Variants in RNF122 observed in about 807,000 individuals in gnomAD.
The protein encoded by RNF122 is ring finger protein 122.
A neutral mutation model predicts 24.2 loss-of-function variants in RNF122; 17 were observed. That is an observed-to-expected ratio of 0.70 (90% CI 0.48 to 1.06). The LOEUF (loss-of-function observed/expected upper bound fraction) is 1.06, where lower values mean the gene tolerates loss of function less well. RNF122 is among the 50% of genes least tolerant of loss of function. The pLI, the probability that RNF122 is intolerant of heterozygous loss-of-function variation, is 0.00. For synonymous variants in RNF122, 65 were observed against 71.8 expected (o/e 0.91, Z 0.48); for missense variants, 168 against 198.1 (o/e 0.85, Z 0.91).
chr8:33,549,662 G>C (rs1810341708), intron 4 of RNF122, among the ~76,000 whole-genome samples, 170 bp from the exon 5 acceptor site: 2 of 152,060 alleles, frequency 1.3e-5, no homozygotes, highest in African/African-American at 4.8e-5. Flanking sequence ...ACCATATGTG[G>C]CTGTTTAAAT....
Position 33,551,123 on chromosome 8 carries a change from C to T in RNF122, c.229-38G>A, listed in dbSNP as rs202008774. On this transcript the variant is annotated intron_variant, in intron 3 of 5. Coordinates refer to ENST00000256257, the MANE Select transcript of RNF122 (RefSeq NM_024787.3). Reference sequence around the variant, plus strand: ...AGGAGGCATGATGTCCAAAGAAGAACCAACCACTGGGGCCAGCCAGGTAGT... The same window carrying T: ...AGGAGGCATGATGTCCAAAGAAGAATCAACCACTGGGGCCAGCCAGGTAGT... 7.8e-5 allele frequency: 125 copies of T among 1,611,870 alleles called. No individual in the cohort carries two copies. In the African/African-American group the frequency reaches 1.4e-3, roughly 18 times the overall value.
chr8:33,549,403 C>A lies in RNF122; in HGVS notation c.353+7G>T, dbSNP rs778196017. ...TCGACGGGCACCCTGGACACATTCC[C>A]ACGTACTTGCGGTGAAAGGCGTGTT... On this transcript the variant is annotated splice_region_variant and intron_variant, in intron 5 of 5. Transcript: ENST00000256257. 1 of 1,612,120 alleles carries A rather than the reference C, an allele frequency of 6.2e-7. No homozygotes were observed.
At position 33,548,885 on chromosome 8, in the gene RNF122, A is replaced by C. The variant is rs1317866308; in HGVS notation, c.354-18T>G. 1 of 1,551,096 alleles carries C rather than the reference A, an allele frequency of 6.4e-7. No homozygotes were observed. Among genetic ancestry groups the C allele is most frequent in the South Asian group, 1.1e-5 (1 of 89,802 alleles). ...CCAGACACCTGAGAACAAATGAGGA[A>C]TGGTAATCTCTAACCAGACAGACCA... On this transcript the variant is annotated intron_variant, in intron 5 of 5. Transcript: ENST00000256257.
In RNF122 at chr8:33,548,763, T is replaced by G. The variant is rs764116179; in HGVS notation, c.458A>C (p.Glu153Ala). 1 of 1,610,176 alleles carries G rather than the reference T, an allele frequency of 6.2e-7. No individual in the cohort carries two copies. Among genetic ancestry groups the G allele is most frequent in the South Asian group, 1.1e-5 (1 of 90,976 alleles). Residue 153 changes from glutamate to alanine, a missense_variant, in exon 6 of 6, where the codon GAG becomes GCG. Physicochemically the swap from Glu to Ala is moderately radical, Grantham distance 107. Coordinates refer to ENST00000256257, the MANE Select transcript of RNF122 (RefSeq NM_024787.3). ...GTGTAGCGGCAGCACTCACACCAGC[T>G]CATCCAATAGAATCCCAATGTTCTG... Reference protein sequence around the residue: ...ATQNIGILLDELV With the variant: ...ATQNIGILLDALV
At chr8:33,561,200 C>T (rs1810534925) in intron 1 of RNF122, among the ~76,000 whole-genome samples, 1 of 152,136 alleles carries the variant, frequency 6.6e-6, no homozygotes, top group African/African-American at 2.4e-5. Flanking sequence ...TTCTCTGTAC[C>T]CAGGCCTTGG....
At chr8:33,559,862 AAC>A (rs1810514215) in intron 1 of RNF122, among the ~76,000 whole-genome samples, 1 of 145,460 alleles carries the variant, frequency 6.9e-6, no homozygotes, top group Non-Finnish European at 1.5e-5. Flanking sequence ...TTTTTTTTTA[AAC>A]AGAGTCTTGC....
chr8:33,558,811 T>C, intron 1 of RNF122, 40 bp from the exon 2 acceptor site: 1 of 1,501,250 alleles, frequency 6.7e-7, no homozygotes, highest in African/African-American at 1.4e-5. Context: ...GGGTTGGAAA[T>C]TTACTGCTGG....
chr8:33,548,275 GGC>G lies in RNF122; in HGVS notation c.*476_*477del, dbSNP rs1444375489. 6.5e-6 allele frequency: 1 copy of G among 152,776 alleles called. No individual in the cohort carries two copies. The highest frequency in any genetic ancestry group is 1.9e-4 in the East Asian group (1 of 5,184). The allele number at this position is 152,776 out of a possible 1,614,324, so 9.5% of individuals were successfully genotyped here. A position where few individuals can be genotyped will look rare whatever the true frequency, so the allele number is the denominator to read the frequency against. On this transcript the variant is annotated 3_prime_UTR_variant, in exon 6 of 6. Coordinates refer to ENST00000256257, the MANE Select transcript of RNF122 (RefSeq NM_024787.3). ...CAGAGCCTCCCTCGCCTCCCGTGGA[GGC>G]GCTTGGTTCCTTGATCTTTCCTTCC... is the stretch of plus-strand genomic sequence containing the variant.
At position 33,558,812 on chromosome 8, in the gene RNF122, T is replaced by G. The variant is rs1810496284; in HGVS notation, c.26-41A>C. The G allele has an allele frequency of 2.0e-6, 3 of 1,499,738 alleles. No homozygotes were observed. The East Asian group carries it at 6.9e-5, about 34-fold the overall frequency. The allele number at this position is 1,499,738 out of a possible 1,614,324, so 92.9% of individuals were successfully genotyped here. ...AAAAAAAATCATTAGGGTTGGAAAT[T>G]TACTGCTGGGCTGATAGCACTGTGT... On this transcript the variant is annotated intron_variant, in intron 1 of 5. Transcript: ENST00000256257.
Position 33,548,919 on chromosome 8 carries a change from C to T in RNF122, c.354-52G>A, listed in dbSNP as rs777769484. On this transcript the variant is annotated intron_variant, in intron 5 of 5. Transcript: ENST00000256257. ...TCTAACCAGACAGACCACGCTGCTC[C>T]AGTTGTCTCTCAAAACAAGAATATC... 116 of 1,247,316 alleles carry T rather than the reference C, an allele frequency of 9.3e-5. No individual in the cohort carries two copies. The South Asian group carries it at 1.4e-3, about 15-fold the overall frequency. 77.3% of individuals were successfully genotyped at this position (1,247,316 alleles called of 1,614,324 possible).
intron 2 of RNF122, among the ~76,000 whole-genome samples, chr8:33,552,710 C>G (rs1285325096): frequency 2.0e-5 from 3 of 152,108 alleles, no homozygotes; most frequent in Admixed American, 2.0e-4. Flanking sequence ...GTATTATTTT[C>G]AAGGAAGGGA....
At chr8:33,549,514 T>A in intron 4 of RNF122, 22 bp from the exon 5 acceptor site, 1 of 1,587,412 alleles carries the variant, frequency 6.3e-7, no homozygotes, top group Non-Finnish European at 8.7e-7. Context: ...AAAGAGCAGG[T>A]GTGTGAGGAA....
At chr8:33,553,082 A>G (rs548907962) in intron 2 of RNF122, among the ~76,000 whole-genome samples, 3 of 150,822 alleles carry the variant, frequency 2.0e-5, no homozygotes, top group African/African-American at 7.3e-5. Flanking sequence ...AAAAAAAAAA[A>G]AAAAAAAAGA....
rs746826629 is a variant in RNF122 at position 33,548,702 on chromosome 8, G to A, written c.*51C>T. The A allele has an allele frequency of 8.8e-7, 1 of 1,135,746 alleles. No homozygotes were observed. The highest frequency in any genetic ancestry group is 1.2e-5 in the South Asian group (1 of 81,346). The allele number at this position is 1,135,746 out of a possible 1,614,324, so 70.4% of individuals were successfully genotyped here. On this transcript the variant is annotated 3_prime_UTR_variant, in exon 6 of 6. Transcript: ENST00000256257. ...TGGTTGGAGCTGTGCAGAGGGACCA[G>A]ACATCCATGAGGCAAGAGGTCTTCT...
chr8:33,565,868 T>A (rs1810615050), intron 1 of RNF122, among the ~76,000 whole-genome samples: 1 of 152,192 alleles, frequency 6.6e-6, no homozygotes, highest in African/African-American at 2.4e-5. Context: ...AACGGCTTTT[T>A]TTTAGATGGA....
chr8:33,565,627 T>A (rs1810610747), intron 1 of RNF122, among the ~76,000 whole-genome samples: 1 of 152,204 alleles, frequency 6.6e-6, no homozygotes, highest in African/African-American at 2.4e-5. Context: ...CAGTATCACC[T>A]GAACCTCCAA....
chr8:33,552,348 G>A (rs975715888), intron 2 of RNF122, among the ~76,000 whole-genome samples: 23 of 152,110 alleles, frequency 1.5e-4, no homozygotes, highest in African/African-American at 4.8e-4. Flanking sequence ...GCAGTGAGCC[G>A]AGATTGCGCC....
rs1810371885 is a variant in RNF122, at chr8:33,551,340, T to C, written c.228+4A>G. The C allele has an allele frequency of 6.2e-7, 1 of 1,614,038 alleles. No individual in the cohort carries two copies. Among genetic ancestry groups the C allele is most frequent in the African/African-American group, 1.3e-5 (1 of 74,916 alleles). On this transcript the variant is annotated splice_donor_region_variant and intron_variant, in intron 3 of 5. Coordinates refer to ENST00000256257, the MANE Select transcript of RNF122 (RefSeq NM_024787.3). ...AAGCTTCTGGGAAACACGCAGCACT[T>C]TACCTCCTTATATCCGTATCGCTCA... is the stretch of plus-strand genomic sequence containing the variant.
Position 33,558,725 on chromosome 8 carries a change from C to A in RNF122, c.72G>T (p.Ser24=). The A allele has an allele frequency of 1.2e-6, 2 of 1,610,248 alleles. No individual in the cohort carries two copies. Among genetic ancestry groups the A allele is most frequent in the South Asian group, 2.2e-5 (2 of 90,660 alleles). The change falls in exon 2 of 6, where the codon TCG becomes TCT. Residue 24 remains serine (S), a synonymous_variant. Transcript: ENST00000256257. ...LGLVSTNKSC[S]MPPISFQDLP... Reference sequence around the variant, plus strand: ...GGTCCTGGAAACTGATGGGTGGCATCGAGCAGGACTTGTTGGTGCTAACCA... The same window carrying A: ...GGTCCTGGAAACTGATGGGTGGCATAGAGCAGGACTTGTTGGTGCTAACCA...
Sources: gnomAD v4.1 joint callset for allele counts (sites outside exome capture counted in the v4.1 genomes callset) on GRCh38, gnomAD v4.1.1 for gene constraint, MANE v1.5 for transcripts, NCBI Gene and HGNC (gene_info 2026-07-23, HGNC 2026-07-21) for gene names.